Variants in KCNMB2 observed in about 807,000 individuals in gnomAD.
KCNMB2 encodes potassium calcium-activated channel subfamily M regulatory beta subunit 2, also known as calcium-activated potassium channel subunit beta-2.
In KCNMB2, 9 loss-of-function variants were observed where a neutral mutation model predicts 24.5. The ratio of observed to expected loss-of-function variants is 0.37; its 90% CI spans 0.22 to 0.64. The LOEUF is 0.64. Among genes scored for constraint, KCNMB2 ranks in the 30% least tolerant of loss-of-function variants. The pLI is 0.63. For missense variants in KCNMB2, 226 were observed against 284.3 expected, an observed-to-expected ratio of 0.79 and a Z score of 1.47; for synonymous variants, 109 against 104.4, an observed-to-expected ratio of 1.04 and a Z score of -0.27.
intron 3 of KCNMB2, among the ~76,000 whole-genome samples, chr3:178,827,349 G>A (rs1714873990): frequency 6.6e-6 from 1 of 152,088 alleles, no homozygotes; most frequent in South Asian, 2.1e-4. Flanking sequence ...CTTTTCCATT[G>A]TGTTTGTGGG....
chr3:178,643,508 G>T (rs906219793), intron 1 of KCNMB2, among the ~76,000 whole-genome samples: 1 of 152,180 alleles, frequency 6.6e-6, no homozygotes, highest in African/African-American at 2.4e-5. Context: ...TGACACTAAT[G>T]TTGGTAAAGA....
rs74732936 is a variant in KCNMB2 at position 178,551,466 on chromosome 3, C to T, written c.-68+14755C>T. ...CTGCAGGCCACACTGCCTGACCTAA[C>T]TATGAACCCATCACTTCGGCCTTTC... On this transcript the variant is annotated intron_variant, in intron 1 of 4. Coordinates refer to ENST00000452583, the MANE Select transcript of KCNMB2 (RefSeq NM_181361.3). Among the ~76,000 whole-genome samples, 355 of 152,316 alleles carry T rather than the reference C, an allele frequency of 2.3e-3. 1 individual carries two copies. The highest frequency in any genetic ancestry group is 8.2e-3 in the African/African-American group (343 of 41,576).
intron 1 of KCNMB2, among the ~76,000 whole-genome samples, chr3:178,749,703 T>C (rs1723780436): frequency 6.6e-6 from 1 of 152,208 alleles, no homozygotes; most frequent in Non-Finnish European, 1.5e-5. Context: ...CTTGGATAAT[T>C]AACTAACTTG....
chr3:178,659,786 C>T (rs968906965), intron 1 of KCNMB2, among the ~76,000 whole-genome samples: 2 of 152,174 alleles, frequency 1.3e-5, no homozygotes, highest in African/African-American at 2.4e-5. Context: ...GTGTGTAGCA[C>T]ATGGCCCATT....
chr3:178,629,906 G>T (rs1186881828), intron 1 of KCNMB2, among the ~76,000 whole-genome samples: 1 of 152,154 alleles, frequency 6.6e-6, no homozygotes, highest in African/African-American at 2.4e-5. Flanking sequence ...ACAAACTACA[G>T]TAAACAGTAT....
At chr3:178,671,383 G>C (rs548660287) in intron 1 of KCNMB2, among the ~76,000 whole-genome samples, 103 of 152,190 alleles carry the variant, frequency 6.8e-4, no homozygotes, top group African/African-American at 2.4e-3. Context: ...TAACCTTGTG[G>C]CATTTGGAAC....
In KCNMB2 at chr3:178,664,897, G is replaced by A. The variant is rs534966246; in HGVS notation, c.-68+128186G>A. On this transcript the variant is annotated intron_variant, in intron 1 of 4. Coordinates refer to ENST00000452583, the MANE Select transcript of KCNMB2 (RefSeq NM_181361.3). ...GATAATTTTTCTTGTCACAAAGGAC[G>A]ATCTATACAAAAGAACAAAGGAAAT... Among the ~76,000 whole-genome samples, 20 of 152,176 alleles carry A rather than the reference G, an allele frequency of 1.3e-4. No homozygotes were observed. In the South Asian group the frequency reaches 2.1e-3, roughly 16 times the overall value.
At chr3:178,636,408 A>G (rs1719523144) in intron 1 of KCNMB2, among the ~76,000 whole-genome samples, 2 of 152,140 alleles carry the variant, frequency 1.3e-5, no homozygotes, top group South Asian at 2.1e-4. Flanking sequence ...AAAAAATAAA[A>G]TAAAGTAAGA....
At chr3:178,631,476 G>A (rs547137523) in intron 1 of KCNMB2, among the ~76,000 whole-genome samples, 4 of 152,352 alleles carry the variant, frequency 2.6e-5, no homozygotes, top group East Asian at 1.9e-4. Context: ...CTCAGCTTCC[G>A]CCTATGCGGC....
At chr3:178,781,811 T>G (rs1474989273) in intron 1 of KCNMB2, among the ~76,000 whole-genome samples, 3 of 151,362 alleles carry the variant, frequency 2.0e-5, no homozygotes, top group Non-Finnish European at 4.4e-5. Context: ...TTATTATACT[T>G]TAAGTTTTAG....
At chr3:178,665,017 C>G (rs1720669013) in intron 1 of KCNMB2, among the ~76,000 whole-genome samples, 1 of 152,112 alleles carries the variant, frequency 6.6e-6, no homozygotes, top group African/African-American at 2.4e-5. Context: ...GAACTGTGAC[C>G]TTGCTATAAG....
intron 1 of KCNMB2, among the ~76,000 whole-genome samples, chr3:178,639,866 A>C (rs1171031453): frequency 6.6e-6 from 1 of 152,226 alleles, no homozygotes; most frequent in African/African-American, 2.4e-5. Flanking sequence ...TCAAGTTCTT[A>C]GTTTGCATGT....
chr3:178,817,550 G>C (rs560641928), intron 2 of KCNMB2, among the ~76,000 whole-genome samples: 11 of 152,250 alleles, frequency 7.2e-5, no homozygotes, highest in African/African-American at 2.6e-4. Context: ...TATAGCAGCT[G>C]TGCTCACTGA....
At chr3:178,810,146 A>T (rs886073005) in intron 2 of KCNMB2, among the ~76,000 whole-genome samples, 1 of 152,162 alleles carries the variant, frequency 6.6e-6, no homozygotes, top group South Asian at 2.1e-4. Flanking sequence ...GGCAATAAAC[A>T]TGGTGATAAT....
chr3:178,682,287 T>C (rs1260566895), intron 1 of KCNMB2, among the ~76,000 whole-genome samples: 1 of 152,228 alleles, frequency 6.6e-6, no homozygotes, highest in Non-Finnish European at 1.5e-5. Flanking sequence ...AGAGAGATAG[T>C]GGACCAGTGT....
intron 1 of KCNMB2, among the ~76,000 whole-genome samples, chr3:178,556,550 G>T (rs187312496): frequency 6.6e-6 from 1 of 152,010 alleles, no homozygotes; most frequent in Non-Finnish European, 1.5e-5. Context: ...GATTACAGGC[G>T]CCTGCCACCA....
At chr3:178,638,208 C>G (rs1251340350) in intron 1 of KCNMB2, among the ~76,000 whole-genome samples, 2 of 152,198 alleles carry the variant, frequency 1.3e-5, no homozygotes, top group Non-Finnish European at 1.5e-5. Context: ...GAAAAGTCTA[C>G]TATTCTTAAA....
chr3:178,684,354 A>G (rs1721382860), intron 1 of KCNMB2, among the ~76,000 whole-genome samples: 1 of 148,478 alleles, frequency 6.7e-6, no homozygotes, highest in East Asian at 2.0e-4. Context: ...GGGAGAGGAA[A>G]TGGGGAGATG....
At chr3:178,546,994 T>G (rs1340479842) in intron 1 of KCNMB2, among the ~76,000 whole-genome samples, 1 of 152,200 alleles carries the variant, frequency 6.6e-6, no homozygotes, top group Non-Finnish European at 1.5e-5. Context: ...ATTCCCAATG[T>G]TCACGTGACA....
Sources: gnomAD v4.1 joint callset for allele counts (sites outside exome capture counted in the v4.1 genomes callset) on GRCh38, gnomAD v4.1.1 for gene constraint, MANE v1.5 for transcripts, NCBI Gene and HGNC (gene_info 2026-07-23, HGNC 2026-07-21) for gene names.